ERBB4: variants seen among roughly 807,000 people sequenced by gnomAD.
ERBB4 encodes the protein receptor tyrosine-protein kinase erbB-4.
A neutral mutation model predicts 158.0 loss-of-function variants in ERBB4; 42 were observed. The ratio of observed to expected loss-of-function variants is 0.27; its 90% CI spans 0.21 to 0.34. The LOEUF is 0.34. ERBB4 is among the 10% of genes least tolerant of loss of function. ERBB4 has a pLI of 1.00. For missense variants in ERBB4, 1,333 were observed against 1,624.1 expected (o/e 0.82, Z 3.08); for synonymous variants, 583 against 558.7 (o/e 1.04, Z -0.61).
chr2:211,939,582 G>A (rs1320228249), intron 3 of ERBB4, among the ~76,000 whole-genome samples: 1 of 152,050 alleles, frequency 6.6e-6, no homozygotes, highest in East Asian at 1.9e-4. Context: ...ACTTGATGAT[G>A]TATTTACATA....
chr2:211,457,403 T>A (rs2064410052), intron 20 of ERBB4, among the ~76,000 whole-genome samples: 1 of 152,232 alleles, frequency 6.6e-6, no homozygotes, highest in Non-Finnish European at 1.5e-5. Context: ...GTATCATATG[T>A]GTTAGTCATT....
chr2:211,434,782 C>A (rs1457163111), intron 20 of ERBB4, among the ~76,000 whole-genome samples: 3 of 152,204 alleles, frequency 2.0e-5, no homozygotes, highest in African/African-American at 7.2e-5. Flanking sequence ...TTTCCCTCAC[C>A]CACCTGACCA....
At chr2:211,937,830 T>C (rs1414491777) in intron 3 of ERBB4, among the ~76,000 whole-genome samples, 1 of 152,156 alleles carries the variant, frequency 6.6e-6, no homozygotes, top group East Asian at 1.9e-4. Context: ...AGATGAGATT[T>C]TGGTGGGAAC....
chr2:212,508,037 T>C (rs1323292746), intron 1 of ERBB4, among the ~76,000 whole-genome samples: 1 of 152,160 alleles, frequency 6.6e-6, no homozygotes, highest in Admixed American at 6.5e-5. Flanking sequence ...ACCACCCTGA[T>C]TGGTCAGCAA....
At chr2:212,455,366 G>A (rs775966511) in intron 1 of ERBB4, among the ~76,000 whole-genome samples, 6 of 123,488 alleles carry the variant, frequency 4.9e-5, no homozygotes, top group East Asian at 1.9e-4. Context: ...TAATCTTATC[G>A]TTTTCTCAGT....
At chr2:212,273,349 T>G (rs2085411325) in intron 1 of ERBB4, among the ~76,000 whole-genome samples, 1 of 151,886 alleles carries the variant, frequency 6.6e-6, no homozygotes, top group Admixed American at 6.6e-5. Context: ...TAATATTATC[T>G]ATTCAATACA....
chr2:212,236,211 C>T (rs191897595), intron 1 of ERBB4, among the ~76,000 whole-genome samples: 3 of 152,276 alleles, frequency 2.0e-5, no homozygotes, highest in East Asian at 3.9e-4. Flanking sequence ...TCTTCTGCAT[C>T]TACTGCAATA....
intron 1 of ERBB4, among the ~76,000 whole-genome samples, chr2:212,303,918 CAG>C (rs1025153299): frequency 9.9e-5 from 15 of 151,456 alleles, no homozygotes; most frequent in South Asian, 2.1e-4. Context: ...ACAATGGAAA[CAG>C]GGGAAAACCA....
At chr2:211,886,367 T>C (rs139034167) in intron 3 of ERBB4, among the ~76,000 whole-genome samples, 1,654 of 152,302 alleles carry the variant, frequency 0.011, 23 homozygotes, top group African/African-American at 0.038. Flanking sequence ...TGTTTACTAC[T>C]GTATTCTCAT....
At position 211,396,615 on chromosome 2, in the gene ERBB4, G is replaced by A. The variant is rs147430855; in HGVS notation, c.3136-8623C>T. ...GCGCACGGTTTGTGTATTGGAGGAT[G>A]GAGAACAAATAATATAGGAAATAGA... On this transcript the variant is annotated intron_variant, in intron 25 of 27. Coordinates refer to ENST00000342788, the MANE Select transcript of ERBB4 (RefSeq NM_005235.3). Among the ~76,000 whole-genome samples, 476 of 152,252 alleles carry A rather than the reference G, an allele frequency of 3.1e-3. 1 individual carries two copies. Among genetic ancestry groups the A allele is most frequent in the Non-Finnish European group, 5.1e-3 (350 of 67,994 alleles).
At chr2:211,581,160 G>T (rs2068092675) in intron 19 of ERBB4, among the ~76,000 whole-genome samples, 1 of 151,374 alleles carries the variant, frequency 6.6e-6, no homozygotes. Flanking sequence ...CACAAATTTG[G>T]TGCAGTGTAT....
chr2:211,691,925 T>A (rs1369989403), intron 12 of ERBB4, among the ~76,000 whole-genome samples: 1 of 152,022 alleles, frequency 6.6e-6, no homozygotes, highest in Non-Finnish European at 1.5e-5. Flanking sequence ...TGTGTTTTGG[T>A]CAAAGAGCTG....
At chr2:211,611,943 G>C (rs1275586951) in intron 19 of ERBB4, among the ~76,000 whole-genome samples, 1 of 152,060 alleles carries the variant, frequency 6.6e-6, no homozygotes, top group Non-Finnish European at 1.5e-5. Context: ...GCATGCATAG[G>C]AAAAAATCTT....
chr2:211,578,389 T>C (rs775525230), intron 19 of ERBB4, among the ~76,000 whole-genome samples: 9 of 152,216 alleles, frequency 5.9e-5, no homozygotes, highest in Non-Finnish European at 8.8e-5. Flanking sequence ...CAATGTAATT[T>C]ATAGATTCAA....
At chr2:212,007,804 T>A (rs1410165742) in intron 2 of ERBB4, among the ~76,000 whole-genome samples, 1 of 151,958 alleles carries the variant, frequency 6.6e-6, no homozygotes, top group Non-Finnish European at 1.5e-5. Flanking sequence ...ACTCCTTTGA[T>A]CAATTTCATA....
intron 20 of ERBB4, among the ~76,000 whole-genome samples, chr2:211,454,481 A>G (rs1180264090): frequency 1.3e-5 from 2 of 152,210 alleles, no homozygotes; most frequent in African/African-American, 4.8e-5. Flanking sequence ...TAAGAAAATC[A>G]GGCACCCAAT....
intron 2 of ERBB4, among the ~76,000 whole-genome samples, chr2:211,976,407 C>T (rs978226224): frequency 2.0e-5 from 3 of 152,074 alleles, no homozygotes; most frequent in South Asian, 2.1e-4. Context: ...AAATATTTTA[C>T]ATTATCTTAT....
intron 2 of ERBB4, among the ~76,000 whole-genome samples, chr2:212,082,567 G>A (rs2125471304): frequency 6.6e-6 from 1 of 151,998 alleles, no homozygotes. Flanking sequence ...AATAGCTACA[G>A]TTTTTCAAAG....
rs1391184856 is a variant in ERBB4, at chr2:211,393,740, C to CATGT, written c.3136-5749_3136-5748insACAT. Among the ~76,000 whole-genome samples, 377 of 146,350 alleles carry CATGT rather than the reference C, an allele frequency of 2.6e-3. 3 individuals are homozygous for CATGT. The highest frequency in any genetic ancestry group is 4.2e-3 in the East Asian group (21 of 4,942). On this transcript the variant is annotated intron_variant, in intron 25 of 27. Transcript: ENST00000342788. ...AACTTTGAGTATTAAGAGTTAATAG[C>CATGT]GTGTGTGTGTGTGTGTGTGTGTGTG...
Sources: allele counts gnomAD v4.1 joint callset (sites outside exome capture counted in the v4.1 genomes callset), GRCh38; gene constraint gnomAD v4.1.1; transcripts MANE v1.5; gene names NCBI Gene and HGNC (gene_info 2026-07-23, HGNC 2026-07-21).